Variants in LRRK2 observed in about 807,000 individuals in gnomAD.
LRRK2 encodes leucine-rich repeat serine/threonine-protein kinase 2.
In LRRK2, 203 loss-of-function variants were observed where a neutral mutation model predicts 302.6. That is an observed-to-expected ratio of 0.67 (90% confidence interval 0.60 to 0.75). LRRK2 has a LOEUF of 0.75. Ranked by LOEUF, LRRK2 falls within the 30% of genes least tolerant of loss-of-function variation. LRRK2 has a pLI of 0.00. For synonymous variants in LRRK2, 1,066 were observed against 1,031.9 expected (o/e 1.03, Z -0.63); for missense variants, 2,830 against 2,951.0 (o/e 0.96, Z 0.95).
intron 39 of LRRK2, among the ~76,000 whole-genome samples, chr12:40,334,364 G>T (rs936088919): frequency 6.6e-6 from 1 of 152,128 alleles, no homozygotes; most frequent in Non-Finnish European, 1.5e-5. Context: ...CATAAAGGTT[G>T]GGGTGCTGAC....
chr12:40,240,880 A>T (rs1483041278), intron 6 of LRRK2, among the ~76,000 whole-genome samples: 1 of 152,188 alleles, frequency 6.6e-6, no homozygotes, highest in Admixed American at 6.6e-5. Context: ...GGACACAGAT[A>T]AGTACAGAGG....
intron 2 of LRRK2, 70 bp from the exon 3 acceptor site, chr12:40,232,204 T>G: frequency 1.9e-6 from 2 of 1,077,454 alleles, no homozygotes; most frequent in East Asian, 4.7e-5. Context: ...TTGAAGAGAT[T>G]CATGTTTGAC....
chr12:40,311,654 T>C (rs1945041439), intron 31 of LRRK2, among the ~76,000 whole-genome samples: 1 of 152,162 alleles, frequency 6.6e-6, no homozygotes, highest in African/African-American at 2.4e-5. Context: ...TGCTGGCCAG[T>C]TAGCTTAGTT....
chr12:40,277,272 G>A (rs1943496621), intron 16 of LRRK2, among the ~76,000 whole-genome samples: 1 of 152,154 alleles, frequency 6.6e-6, no homozygotes, highest in African/African-American at 2.4e-5. Flanking sequence ...AGACTCTGGG[G>A]ATGTGCTTAA....
chr12:40,231,364 G>T (rs1941174418), intron 2 of LRRK2, among the ~76,000 whole-genome samples: 1 of 128,142 alleles, frequency 7.8e-6, no homozygotes, highest in South Asian at 2.4e-4. Context: ...ACCAGCCTGG[G>T]CAACAGAGCG....
chr12:40,232,195 T>A, intron 2 of LRRK2, 79 bp from the exon 3 acceptor site: 1 of 987,720 alleles, frequency 1.0e-6, no homozygotes, highest in Non-Finnish European at 1.6e-6. Flanking sequence ...CCACTAAGAT[T>A]GAAGAGATTC....
chr12:40,359,506 C>T lies in LRRK2; in HGVS notation c.7028+62C>T, dbSNP rs1196606891. On this transcript the variant is annotated intron_variant, in intron 47 of 50. Transcript: ENST00000298910. ...TATACTTTTGTTTTTTCCTTATAAT[C>T]ATTAATAATACTGTTGATAATTCAT... 8 of 1,263,070 alleles carry T rather than the reference C, an allele frequency of 6.3e-6. No individual in the cohort carries two copies. The African/African-American group carries it at 1.2e-4, about 19-fold the overall frequency. The allele number at this position is 1,263,070 out of a possible 1,614,324, so 78.2% of individuals were successfully genotyped here. A position where few individuals can be genotyped will look rare whatever the true frequency, so the allele number is the denominator to read the frequency against.
intron 30 of LRRK2, 84 bp from the exon 31 acceptor site, chr12:40,310,347 G>A: frequency 3.9e-6 from 5 of 1,277,614 alleles, no homozygotes; most frequent in Non-Finnish European, 5.7e-6. Context: ...TCAAGTGAAT[G>A]TCACGGAAAG....
intron 18 of LRRK2, among the ~76,000 whole-genome samples, chr12:40,279,626 G>A (rs188272456): frequency 5.4e-4 from 82 of 152,196 alleles, no homozygotes; most frequent in Middle Eastern, 6.8e-3. Context: ...ATACCTAAAA[G>A]CACCTGATAC....
At chr12:40,345,292 T>G (rs1592317367) in intron 41 of LRRK2, among the ~76,000 whole-genome samples, 1 of 152,128 alleles carries the variant, frequency 6.6e-6, no homozygotes, top group Non-Finnish European at 1.5e-5. Flanking sequence ...CCATCAACTT[T>G]TTATTTTGAA....
chr12:40,353,151 C>A (rs1490075106), intron 44 of LRRK2, among the ~76,000 whole-genome samples: 1 of 150,786 alleles, frequency 6.6e-6, no homozygotes, highest in African/African-American at 2.4e-5. Flanking sequence ...CCAGACGGGG[C>A]GGCTGCTGGG....
intron 31 of LRRK2, among the ~76,000 whole-genome samples, chr12:40,313,729 TC>T (rs1429243110): frequency 1.3e-5 from 2 of 152,016 alleles, no homozygotes; most frequent in African/African-American, 4.8e-5. Context: ...GATAAATATT[TC>T]CATACTATTT....
chr12:40,332,970 A>AAG lies in LRRK2; in HGVS notation c.5758-1996_5758-1995insGA, dbSNP rs1293789353. Among the ~76,000 whole-genome samples, 4 of 151,436 alleles carry AAG rather than the reference A, an allele frequency of 2.6e-5. No individual in the cohort carries two copies. In the East Asian group the frequency reaches 7.7e-4, roughly 29 times the overall value. The stretch of plus-strand genomic sequence containing the variant: ...ATGTGCTTCTTCTCTTAAAAAAAAA[A>AAG]AAAGAAAAAGACAACAACAAAAAGA... On this transcript the variant is annotated intron_variant, in intron 39 of 50. Transcript: ENST00000298910.
Position 40,322,149 on chromosome 12 carries a change from T to C in LRRK2, c.5285T>C (p.Phe1762Ser), listed in dbSNP as rs1277686624. The change falls in exon 36 of 51, where the codon TTC becomes TCC. Residue 1762 changes from phenylalanine to serine, a missense_variant. By Grantham distance (155) the Phe-to-Ser change is radical. Around this residue, in one of 3 missense-constraint regions of LRRK2, gnomAD observed 2,121 missense variants for 2,148.0 expected, o/e 0.99. Coordinates refer to ENST00000298910, the MANE Select transcript of LRRK2 (RefSeq NM_198578.4). ...SEVLDNHPES[F>S]LKITVPSCRK... ...GTCTTAGACAATCATCCAGAGAGTT[T>C]CTTAAAAATTACAGTTCCTTCTTGT... The C allele has an allele frequency of 1.9e-6, 3 of 1,612,764 alleles. No homozygotes were observed. Among genetic ancestry groups the C allele is most frequent in the South Asian group, 1.1e-5 (1 of 90,918 alleles).
intron 24 of LRRK2, among the ~76,000 whole-genome samples, 182 bp from the exon 25 acceptor site, chr12:40,298,927 A>ACTATATATAATACTTTTTATATAT (rs1565727388): frequency 7.7e-6 from 1 of 129,282 alleles, no homozygotes; most frequent in African/African-American, 2.9e-5. Context: ...TTATATATAT[A>ACTATATATAATACTTTTTATATAT]ATAAAAGACC....
At chr12:40,273,636 C>T (rs555493919) in intron 14 of LRRK2, among the ~76,000 whole-genome samples, 5 of 152,208 alleles carry the variant, frequency 3.3e-5, no homozygotes, top group East Asian at 3.9e-4. Context: ...GAGGCCATCA[C>T]GTCTTTGGAG....
intron 30 of LRRK2, among the ~76,000 whole-genome samples, chr12:40,309,706 T>C (rs1378266679): frequency 6.6e-6 from 1 of 152,152 alleles, no homozygotes; most frequent in Non-Finnish European, 1.5e-5. Flanking sequence ...GTTGCTTTTC[T>C]ATCTTTTCCT....
At chr12:40,242,060 C>G (rs530919359) in intron 6 of LRRK2, among the ~76,000 whole-genome samples, 1 of 152,112 alleles carries the variant, frequency 6.6e-6, no homozygotes, top group South Asian at 2.1e-4. Flanking sequence ...CCACATTGGA[C>G]ATAACTCCAG....
chr12:40,263,405 T>A (rs1942863582), intron 13 of LRRK2, among the ~76,000 whole-genome samples: 1 of 152,178 alleles, frequency 6.6e-6, no homozygotes, highest in African/African-American at 2.4e-5. Context: ...ATTTCTGCCT[T>A]TTTATGTTGT....
Sources: allele counts gnomAD v4.1 joint callset (sites outside exome capture counted in the v4.1 genomes callset), GRCh38; gene constraint gnomAD v4.1.1; regional missense constraint gnomAD v4.1.1; transcripts MANE v1.5; gene names NCBI Gene and HGNC (gene_info 2026-07-23, HGNC 2026-07-21).